Variants in PRKCA observed in about 807,000 individuals in gnomAD.
PRKCA encodes protein kinase C alpha.
Under a neutral mutation model 87.0 loss-of-function variants are expected in PRKCA, and 27 were observed. The ratio of observed to expected loss-of-function variants is 0.31; its 90% confidence interval spans 0.23 to 0.43. PRKCA has a LOEUF of 0.43. Ranked by LOEUF, PRKCA falls within the 20% of genes least tolerant of loss-of-function variation. PRKCA has a pLI of 1.00. For synonymous variants in PRKCA, 329 were observed against 311.1 expected (o/e 1.06, Z -0.61); for missense variants, 518 against 852.3 (o/e 0.61, Z 4.88).
intron 8 of PRKCA, among the ~76,000 whole-genome samples, chr17:66,691,607 C>A (rs933302628): frequency 1.3e-5 from 2 of 152,082 alleles, no homozygotes; most frequent in Non-Finnish European, 1.5e-5. Flanking sequence ...TGTCACACCA[C>A]CTCTGTGACG....
At chr17:66,380,886 A>G (rs1909739182) in intron 2 of PRKCA, among the ~76,000 whole-genome samples, 1 of 152,060 alleles carries the variant, frequency 6.6e-6, no homozygotes, top group Non-Finnish European at 1.5e-5. Context: ...ACAGTCTCAT[A>G]TAAGATTTAC....
intron 3 of PRKCA, among the ~76,000 whole-genome samples, chr17:66,568,520 C>A (rs893686848): frequency 6.6e-6 from 1 of 152,062 alleles, no homozygotes; most frequent in Admixed American, 6.5e-5. Context: ...GCTGGCGCTG[C>A]AGAAATCTGT....
rs975954122 is a variant in PRKCA, at chr17:66,549,271, G to T, written c.288+52988G>T. ...TGCTCAAGTTTGTAAATTGGGTGTG[G>T]GTGGAGCTCGGATGCATGCTCAGTC... is the stretch of plus-strand genomic sequence containing the variant. On this transcript the variant is annotated intron_variant, in intron 3 of 16. Transcript: ENST00000413366. Among the ~76,000 whole-genome samples, 4 of 152,118 alleles carry T rather than the reference G, an allele frequency of 2.6e-5. No individual in the cohort carries two copies. In the South Asian group the frequency reaches 8.3e-4, roughly 32 times the overall value.
At chr17:66,520,168 C>T (rs1404650549) in intron 3 of PRKCA, among the ~76,000 whole-genome samples, 1 of 150,884 alleles carries the variant, frequency 6.6e-6, no homozygotes, top group Non-Finnish European at 1.5e-5. Context: ...GCTCTGTCAC[C>T]CAGGCTGGAG....
intron 3 of PRKCA, among the ~76,000 whole-genome samples, chr17:66,591,807 G>A (rs79594713): frequency 7.7e-4 from 117 of 152,170 alleles, no homozygotes; most frequent in African/African-American, 2.7e-3. Flanking sequence ...CACTATGGCC[G>A]ACTCCCATGC....
At chr17:66,318,623 G>C (rs1487741329) in intron 2 of PRKCA, among the ~76,000 whole-genome samples, 1 of 152,172 alleles carries the variant, frequency 6.6e-6, no homozygotes, top group Non-Finnish European at 1.5e-5. Flanking sequence ...GGGAGGCCGA[G>C]GTGGGCAGAT....
chr17:66,325,338 A>G (rs1905913578), intron 2 of PRKCA, among the ~76,000 whole-genome samples: 1 of 152,222 alleles, frequency 6.6e-6, no homozygotes, highest in Admixed American at 6.5e-5. Flanking sequence ...GATGTTTATT[A>G]CATTCAATTT....
chr17:66,322,098 G>A (rs2143219195), intron 2 of PRKCA, among the ~76,000 whole-genome samples: 1 of 152,180 alleles, frequency 6.6e-6, no homozygotes, highest in East Asian at 1.9e-4. Context: ...GTTGCTGAGT[G>A]CATTTATATT....
At chr17:66,539,971 A>G (rs1232614048) in intron 3 of PRKCA, among the ~76,000 whole-genome samples, 3 of 152,230 alleles carry the variant, frequency 2.0e-5, no homozygotes, top group Non-Finnish European at 2.9e-5. Context: ...ACGCAACCCG[A>G]GGGATTTGAA....
At chr17:66,515,271 C>CAA (rs71367172) in intron 3 of PRKCA, among the ~76,000 whole-genome samples, 17,346 of 96,176 alleles carry the variant, frequency 0.18, 1,592 homozygotes, top group East Asian at 0.3. Context: ...GACTCTGTCT[C>CAA]AAAAAAAAAA....
At chr17:66,731,175 AC>A (rs1455041535) in intron 8 of PRKCA, among the ~76,000 whole-genome samples, 3 of 151,876 alleles carry the variant, frequency 2.0e-5, no homozygotes, top group African/African-American at 7.3e-5. Context: ...ACATGGCGAA[AC>A]CCCATCTCTA....
chr17:66,649,406 C>A (rs1344671837), intron 5 of PRKCA, among the ~76,000 whole-genome samples: 1 of 152,172 alleles, frequency 6.6e-6, no homozygotes, highest in Admixed American at 6.5e-5. Context: ...AGGACTGGAC[C>A]TTTATGCTCA....
intron 8 of PRKCA, among the ~76,000 whole-genome samples, chr17:66,722,714 G>A (rs894140968): frequency 2.0e-5 from 3 of 152,110 alleles, no homozygotes; most frequent in Admixed American, 6.5e-5. Flanking sequence ...CTTCCAAGTG[G>A]CATCACAATG....
In PRKCA at chr17:66,587,893, G is replaced by GTATA. The variant is rs1315328922; in HGVS notation, c.289-53461_289-53460insATAT. 7.2e-3 allele frequency among the ~76,000 whole-genome samples: 372 copies of GTATA among 51,578 alleles called. 26 individuals are homozygous for GTATA. The highest frequency in any genetic ancestry group is 0.013 in the South Asian group (20 of 1,586). The allele number at this position is 51,578 out of a possible 152,430, so 33.8% of individuals were successfully genotyped here. ...TATGTGTGTGTGTGTGTGTGTGTGTGTGTATATATATATATATATATATAT... is the reference window on the plus strand; with the variant it reads ...TATGTGTGTGTGTGTGTGTGTGTGTGTATATGTATATATATATATATATATATAT... On this transcript the variant is annotated intron_variant, in intron 3 of 16. Coordinates refer to ENST00000413366, the MANE Select transcript of PRKCA (RefSeq NM_002737.3).
intron 2 of PRKCA, among the ~76,000 whole-genome samples, chr17:66,363,725 C>T (rs890563063): frequency 2.0e-5 from 3 of 150,850 alleles, no homozygotes; most frequent in East Asian, 2.0e-4. Flanking sequence ...TGTTTTGAGA[C>T]GGAGTCTCAC....
intron 3 of PRKCA, among the ~76,000 whole-genome samples, chr17:66,556,895 A>G (rs893941719): frequency 5.9e-5 from 9 of 152,198 alleles, no homozygotes; most frequent in African/African-American, 2.2e-4. Flanking sequence ...CAGCATGAGA[A>G]TGGACTAATA....
chr17:66,349,382 G>C (rs2143411116), intron 2 of PRKCA, among the ~76,000 whole-genome samples: 1 of 152,280 alleles, frequency 6.6e-6, no homozygotes, highest in East Asian at 1.9e-4. Context: ...CATTTGGCAA[G>C]GTTGCACATG....
chr17:66,613,083 T>A (rs973474593), intron 3 of PRKCA, among the ~76,000 whole-genome samples: 7 of 152,228 alleles, frequency 4.6e-5, no homozygotes, highest in African/African-American at 1.7e-4. Context: ...AATCAAATCT[T>A]ATCCCCAAAT....
chr17:66,716,046 G>A (rs1250219389), intron 8 of PRKCA, among the ~76,000 whole-genome samples: 1 of 152,170 alleles, frequency 6.6e-6, no homozygotes, highest in African/African-American at 2.4e-5. Flanking sequence ...TGGCTTTAGA[G>A]GATCTTCAGT....
Sources: allele counts gnomAD v4.1 joint callset (sites outside exome capture counted in the v4.1 genomes callset), GRCh38; gene constraint gnomAD v4.1.1; transcripts MANE v1.5; gene names NCBI Gene and HGNC (gene_info 2026-07-23, HGNC 2026-07-21).